The following MYO18B variants were observed in gnomAD, a reference collection of about 807,000 sequenced individuals.
MYO18B encodes unconventional myosin-XVIIIb.
MYO18B carries 204 observed loss-of-function variants against 273.0 expected under a neutral mutation model. The ratio of observed to expected loss-of-function variants is 0.75; its 90% CI spans 0.67 to 0.84. The LOEUF (loss-of-function observed/expected upper bound fraction) is 0.84. Among genes scored for constraint, MYO18B ranks in the 40% least tolerant of loss-of-function variants. The probability of loss-of-function intolerance (pLI) is 0.00; values close to 1 mark genes in which losing one functional copy is unlikely to be tolerated. For missense variants in MYO18B, 3,212 were observed against 3,287.6 expected (o/e 0.98, Z 0.56); for synonymous variants, 1,330 against 1,305.7 (o/e 1.02, Z -0.40).
intron 22 of MYO18B, 115 bp downstream of exon 22, chr22:25,868,500 A>G: frequency 2.4e-6 from 2 of 849,548 alleles, no homozygotes; most frequent in Non-Finnish European, 3.7e-6. Context: ...TTTTTCCCAA[A>G]CTGAAGGTAG....
intron 18 of MYO18B, among the ~76,000 whole-genome samples, chr22:25,844,655 A>G (rs2090182222): frequency 6.6e-6 from 1 of 152,266 alleles, no homozygotes; most frequent in Admixed American, 6.5e-5. Context: ...TTGCTCACAC[A>G]GCAGAACAGT....
In MYO18B at chr22:26,030,702, A is replaced by G; in HGVS notation, c.*272A>G. 5.2e-6 allele frequency: 2 copies of G among 381,976 alleles called. No homozygotes were observed. The highest frequency in any genetic ancestry group is 9.3e-6 in the Non-Finnish European group (2 of 215,848). The allele number at this position is 381,976 out of a possible 1,614,324, so 23.7% of individuals were successfully genotyped here. ...ATTCCAGAGAGTTGATGGGGTGCAG[A>G]TAGGGGTAGGACTGTTAGAATAGAA... On this transcript the variant is annotated 3_prime_UTR_variant, in exon 44 of 44. Transcript: ENST00000335473.
the MYO18B span, among the ~76,000 whole-genome samples, chr22:26,060,760 A>T: frequency 2.0e-5 from 3 of 150,726 alleles, no homozygotes. Flanking sequence ...ACATATACAT[A>T]CAAACATGCA....
chr22:25,862,598 T>C (rs932051022), intron 21 of MYO18B, among the ~76,000 whole-genome samples: 7 of 152,186 alleles, frequency 4.6e-5, no homozygotes, highest in African/African-American at 1.7e-4. Context: ...AGATACGGAA[T>C]TCCTGATTGA....
intron 42 of MYO18B, among the ~76,000 whole-genome samples, chr22:26,024,037 G>A (rs536802447): frequency 1.3e-5 from 2 of 152,178 alleles, no homozygotes; most frequent in Admixed American, 1.3e-4. Context: ...TTAGCACATA[G>A]GAACCAACCT....
chr22:25,769,972 C>T, intron 4 of MYO18B, 138 bp from the exon 5 acceptor site: 1 of 858,282 alleles, frequency 1.2e-6, no homozygotes, highest in South Asian at 1.5e-5. Context: ...TTTAAATAAG[C>T]ACACTCCCTC....
At chr22:25,982,785 A>G (rs1244869111) in intron 39 of MYO18B, among the ~76,000 whole-genome samples, 1 of 152,210 alleles carries the variant, frequency 6.6e-6, no homozygotes, top group Non-Finnish European at 1.5e-5. Flanking sequence ...GATCCTTAAG[A>G]TACTCATATC....
intron 12 of MYO18B, among the ~76,000 whole-genome samples, chr22:25,798,340 C>T (rs948225786): frequency 7.2e-5 from 11 of 152,132 alleles, no homozygotes; most frequent in Non-Finnish European, 1.5e-4. Flanking sequence ...GAGATTACTG[C>T]GGTTCAGTGC....
chr22:25,827,185 A>C (rs1229336489), intron 14 of MYO18B, among the ~76,000 whole-genome samples: 1 of 152,230 alleles, frequency 6.6e-6, no homozygotes, highest in East Asian at 1.9e-4. Context: ...CCTGCTTTGC[A>C]TCATTGAATA....
At chr22:25,825,392 T>C (rs2089455281) in intron 13 of MYO18B, among the ~76,000 whole-genome samples, 1 of 152,190 alleles carries the variant, frequency 6.6e-6, no homozygotes, top group South Asian at 2.1e-4. Context: ...TGCGCACTGA[T>C]TTGGAAACTG....
intron 12 of MYO18B, among the ~76,000 whole-genome samples, chr22:25,817,099 A>G (rs887406614): frequency 2.0e-5 from 3 of 152,184 alleles, no homozygotes; most frequent in African/African-American, 4.8e-5. Context: ...CTCATTTTGT[A>G]TCGACATAAA....
chr22:25,895,251 C>G lies in MYO18B; in HGVS notation c.4639C>G (p.Leu1547Val), dbSNP rs1248489403. Residue 1547 changes from leucine to valine, a missense_variant, in exon 28 of 44, where the codon CTG becomes GTG. Leu to Val is a conservative substitution (Grantham distance 32). Coordinates refer to ENST00000335473, the MANE Select transcript of MYO18B (RefSeq NM_032608.7). ...QQCEERLDSE[L>V]TARKELEQKL... ...ATGCGAGGAGAGGCTGGACTCGGAG[C>G]TGACAGCCAGGAAAGAGCTGGAGCA... The G allele has an allele frequency of 1.9e-6, 3 of 1,605,188 alleles. No homozygotes were observed. Among genetic ancestry groups the G allele is most frequent in the South Asian group, 1.1e-5 (1 of 89,062 alleles).
At chr22:25,806,031 G>A (rs1396826219) in intron 12 of MYO18B, among the ~76,000 whole-genome samples, 1 of 152,190 alleles carries the variant, frequency 6.6e-6, no homozygotes, top group East Asian at 1.9e-4. Flanking sequence ...AGCTCTGTGA[G>A]TACAGAGGTC....
At position 25,826,510 on chromosome 22, in the gene MYO18B, C is replaced by G. The variant is rs1441429939; in HGVS notation, c.2786+11C>G. On this transcript the variant is annotated intron_variant, in intron 14 of 43. Coordinates refer to ENST00000335473, the MANE Select transcript of MYO18B (RefSeq NM_032608.7). ...CTCACTCATCAACAGGTAACGGGGC[C>G]TTTTCCTAGGCACACAGTTGGCCTC... is the stretch of plus-strand genomic sequence containing the variant. 1.2e-6 allele frequency: 2 copies of G among 1,609,660 alleles called. No homozygotes were observed. Among genetic ancestry groups the G allele is most frequent in the Admixed American group, 1.7e-5 (1 of 59,532 alleles).
At chr22:25,904,765 A>G (rs549533590) in intron 31 of MYO18B, among the ~76,000 whole-genome samples, 61 of 152,290 alleles carry the variant, frequency 4.0e-4, no homozygotes, top group Middle Eastern at 3.4e-3. Flanking sequence ...CAAAAATTGT[A>G]AATAAAACAA....
At chr22:26,018,188 C>T (rs1468778031) in intron 42 of MYO18B, among the ~76,000 whole-genome samples, 4 of 152,062 alleles carry the variant, frequency 2.6e-5, no homozygotes, top group South Asian at 2.1e-4. Context: ...GTCAAAGACT[C>T]GGCCCCGACC....
intron 6 of MYO18B, among the ~76,000 whole-genome samples, chr22:25,771,645 C>G (rs1601644226): frequency 1.3e-5 from 2 of 152,106 alleles, no homozygotes; most frequent in East Asian, 3.9e-4. Flanking sequence ...CTCAGGCTTT[C>G]TCTCCCGCGT....
At chr22:26,040,489 CAA>C in the MYO18B span, among the ~76,000 whole-genome samples, 5 of 152,070 alleles carry the variant, frequency 3.3e-5, no homozygotes, top group Non-Finnish European at 7.3e-5. Flanking sequence ...AAATGGTAAA[CAA>C]GAGGAGTAAG....
At chr22:25,986,718 A>G (rs918509410) in intron 39 of MYO18B, among the ~76,000 whole-genome samples, 2 of 152,120 alleles carry the variant, frequency 1.3e-5, no homozygotes, top group South Asian at 2.1e-4. Flanking sequence ...GCAAAATTCA[A>G]CTCCATTCGA....
Sources: gnomAD v4.1 joint callset for allele counts (sites outside exome capture counted in the v4.1 genomes callset) on GRCh38, gnomAD v4.1.1 for gene constraint, MANE v1.5 for transcripts, NCBI Gene and HGNC (gene_info 2026-07-23, HGNC 2026-07-21) for gene names.